The following SAMD12 variants were observed in gnomAD, a reference collection of about 807,000 sequenced individuals.
The protein encoded by SAMD12 is sterile alpha motif domain-containing protein 12.
In SAMD12, 9 loss-of-function variants were observed where a neutral mutation model predicts 15.0. That is an observed-to-expected ratio of 0.60 (90% CI 0.36 to 1.05). The LOEUF is 1.05. SAMD12 is among the 50% of genes least tolerant of loss of function. The probability of loss-of-function intolerance (pLI) is 0.01; values close to 1 mark genes in which losing one functional copy is unlikely to be tolerated. For missense variants in SAMD12, 230 were observed against 234.2 expected, an observed-to-expected ratio of 0.98 and a Z score of 0.12; for synonymous variants, 86 against 90.1, an observed-to-expected ratio of 0.96 and a Z score of 0.25.
chr8:118,395,919 C>A (rs1473781503), intron 3 of SAMD12, among the ~76,000 whole-genome samples: 10 of 128,412 alleles, frequency 7.8e-5, no homozygotes, highest in South Asian at 5.0e-4. Flanking sequence ...ATCGCAAGAG[C>A]AAGACTCCAT....
chr8:118,475,348 A>G (rs1417067333), intron 2 of SAMD12, among the ~76,000 whole-genome samples: 1 of 152,160 alleles, frequency 6.6e-6, no homozygotes, highest in Non-Finnish European at 1.5e-5. Flanking sequence ...ACCATTCTCC[A>G]TGAGTGGAAG....
chr8:118,395,416 G>A (rs1394681011), intron 3 of SAMD12, among the ~76,000 whole-genome samples: 1 of 152,016 alleles, frequency 6.6e-6, no homozygotes, highest in East Asian at 1.9e-4. Context: ...CTCAAATTGA[G>A]CTGTCTCTTA....
At chr8:118,166,585 A>G in the SAMD12 span, among the ~76,000 whole-genome samples, 1 of 152,244 alleles carries the variant, frequency 6.6e-6, no homozygotes, top group African/African-American at 2.4e-5. Flanking sequence ...TAAATAAGTA[A>G]GCATGGTTAT....
downstream of SAMD12, among the ~76,000 whole-genome samples, chr8:118,373,540 A>G (rs1819216148): frequency 1.3e-5 from 2 of 152,214 alleles, no homozygotes; most frequent in Non-Finnish European, 2.9e-5. Context: ...CAAAAGACAG[A>G]GCTTTGGGAA....
intron 4 of SAMD12, among the ~76,000 whole-genome samples, chr8:118,292,690 G>A (rs548980101): frequency 6.6e-6 from 1 of 151,980 alleles, no homozygotes; most frequent in East Asian, 1.9e-4. Context: ...AGAAAATGTG[G>A]CACATATACA....
In SAMD12 at chr8:118,234,167, C is replaced by T. The variant is rs552677548; in HGVS notation, c.434-36435G>A. On this transcript the variant is annotated intron_variant, in intron 4 of 4. Coordinates refer to the SAMD12 transcript ENST00000409003. ...CCTTTAGATAAGACTGGTGGTTTCT[C>T]GATGTTTTTTGGTGAAGACTACATG... Among the ~76,000 whole-genome samples the T allele has an allele frequency of 5.9e-5, 9 of 152,098 alleles. No individual in the cohort carries two copies. In the South Asian group the frequency reaches 1.0e-3, roughly 18 times the overall value.
intron 3 of SAMD12, among the ~76,000 whole-genome samples, chr8:118,418,048 C>A (rs998552991): frequency 3.3e-5 from 5 of 152,098 alleles, no homozygotes; most frequent in African/African-American, 1.2e-4. Flanking sequence ...ATTCTTTCTG[C>A]CCATCATCAA....
chr8:118,169,602 A>C, the SAMD12 span, among the ~76,000 whole-genome samples: 1 of 152,228 alleles, frequency 6.6e-6, no homozygotes, highest in East Asian at 1.9e-4. Flanking sequence ...GTAGTCTATC[A>C]GGCAGCTGCA....
intron 3 of SAMD12, among the ~76,000 whole-genome samples, chr8:118,392,926 T>C (rs991681083): frequency 5.9e-5 from 9 of 152,120 alleles, no homozygotes; most frequent in South Asian, 2.1e-4. Context: ...TTGAGAACCA[T>C]TGGTTTAGGA....
chr8:118,551,134 A>G (rs923165308), intron 2 of SAMD12, among the ~76,000 whole-genome samples: 2 of 152,206 alleles, frequency 1.3e-5, no homozygotes, highest in Admixed American at 1.3e-4. Flanking sequence ...GAAAGTCAAC[A>G]AGGATACCCA....
chr8:118,379,274 T>C lies in SAMD12; in HGVS notation c.*143A>G. On this transcript the variant is annotated 3_prime_UTR_variant, in exon 4 of 4. Coordinates refer to ENST00000314727, the MANE Select transcript of SAMD12 (RefSeq NM_207506.3). The stretch of plus-strand genomic sequence containing the variant: ...CCTGATTGATGTGACTGGTATTCTC[T>C]GGGGTTGTGCAGTACACAATCCATA... 1 of 1,436,296 alleles carries C rather than the reference T, an allele frequency of 7.0e-7. No homozygotes were observed. The highest frequency in any genetic ancestry group is 9.1e-7 in the Non-Finnish European group (1 of 1,096,572). The allele number at this position is 1,436,296 out of a possible 1,614,324, so 89.0% of individuals were successfully genotyped here.
At chr8:118,351,381 A>G (rs1458335798) in intron 4 of SAMD12, among the ~76,000 whole-genome samples, 1 of 152,144 alleles carries the variant, frequency 6.6e-6, no homozygotes, top group Non-Finnish European at 1.5e-5. Context: ...TGGAATTGGG[A>G]TGGGAAGCGG....
At chr8:118,184,326 C>A in the SAMD12 span, among the ~76,000 whole-genome samples, 3 of 152,146 alleles carry the variant, frequency 2.0e-5, no homozygotes, top group Non-Finnish European at 2.9e-5. Context: ...CCTGACCAAA[C>A]GGGAATTAGG....
At chr8:118,398,042 G>C (rs1820671497) in intron 3 of SAMD12, among the ~76,000 whole-genome samples, 1 of 152,124 alleles carries the variant, frequency 6.6e-6, no homozygotes, top group Admixed American at 6.5e-5. Flanking sequence ...ACCTGCCTCG[G>C]GCTCCCAAAG....
chr8:118,165,374 T>C, the SAMD12 span, among the ~76,000 whole-genome samples: 3 of 151,764 alleles, frequency 2.0e-5, no homozygotes, highest in Admixed American at 2.0e-4. Context: ...AGCTTGCATG[T>C]CCTCTTGGGG....
chr8:118,313,889 G>A (rs1422279121), intron 4 of SAMD12, among the ~76,000 whole-genome samples: 1 of 152,010 alleles, frequency 6.6e-6, no homozygotes, highest in Non-Finnish European at 1.5e-5. Flanking sequence ...ATGTGCTTGT[G>A]TGTGTGTATG....
At chr8:118,320,493 T>C (rs1816174373) in intron 4 of SAMD12, among the ~76,000 whole-genome samples, 1 of 151,854 alleles carries the variant, frequency 6.6e-6, no homozygotes, top group African/African-American at 2.4e-5. Context: ...TGTTTTTAAA[T>C]GCAAAAAAAG....
chr8:118,214,743 A>T (rs1459448838), intron 4 of SAMD12, among the ~76,000 whole-genome samples: 1 of 152,230 alleles, frequency 6.6e-6, no homozygotes, highest in Non-Finnish European at 1.5e-5. Context: ...TTTGCTTTAA[A>T]GCTATAATAC....
chr8:118,170,668 C>T, the SAMD12 span, among the ~76,000 whole-genome samples: 2 of 151,926 alleles, frequency 1.3e-5, no homozygotes, highest in African/African-American at 4.8e-5. Flanking sequence ...AAATCATACA[C>T]AAAAATTAAC....
Sources: allele counts gnomAD v4.1 joint callset (sites outside exome capture counted in the v4.1 genomes callset), GRCh38; gene constraint gnomAD v4.1.1; transcripts MANE v1.5; gene names NCBI Gene and HGNC (gene_info 2026-07-23, HGNC 2026-07-21).